Variants in NAV3 observed in about 807,000 individuals in gnomAD.
The protein encoded by NAV3 is pore membrane and/or filament interacting like protein 1.
NAV3 carries 87 observed loss-of-function variants against 244.7 expected under a neutral mutation model. The ratio of observed to expected loss-of-function variants is 0.36; its 90% confidence interval spans 0.30 to 0.42. NAV3 has a LOEUF of 0.42. Ranked by LOEUF, NAV3 falls within the 20% of genes least tolerant of loss-of-function variation. The pLI, the probability that NAV3 is intolerant of heterozygous loss-of-function variation, is 1.00. For synonymous variants in NAV3, 1,126 were observed against 1,042.2 expected, an observed-to-expected ratio of 1.08 and a Z score of -1.55; for missense variants, 2,663 against 2,893.3, an observed-to-expected ratio of 0.92 and a Z score of 1.83.
intron 1 of NAV3, among the ~76,000 whole-genome samples, chr12:77,936,328 A>C (rs954014134): frequency 3.9e-5 from 6 of 152,180 alleles, no homozygotes; most frequent in African/African-American, 1.4e-4. Flanking sequence ...AATCTCAGTA[A>C]TTCTTCTGAA....
intron 5 of NAV3, among the ~76,000 whole-genome samples, chr12:77,989,219 GAC>G (rs1286778597): frequency 2.0e-5 from 3 of 152,022 alleles, no homozygotes; most frequent in African/African-American, 4.8e-5. Flanking sequence ...CAGGTGAAAA[GAC>G]AAAAACAAGG....
chr12:77,601,777 A>T (rs1870444050), intron 2 of NAV3, among the ~76,000 whole-genome samples: 1 of 151,950 alleles, frequency 6.6e-6, no homozygotes, highest in Non-Finnish European at 1.5e-5. Context: ...TGCTTATGAG[A>T]CATAGAAAAT....
intron 5 of NAV3, among the ~76,000 whole-genome samples, chr12:77,983,261 G>A (rs915570828): frequency 1.3e-5 from 2 of 152,140 alleles, no homozygotes; most frequent in Admixed American, 1.3e-4. Context: ...AGGGGAATAG[G>A]GATGGACCCT....
chr12:77,956,187 G>T (rs1477550593), intron 3 of NAV3, among the ~76,000 whole-genome samples: 2 of 152,096 alleles, frequency 1.3e-5, no homozygotes, highest in African/African-American at 2.4e-5. Flanking sequence ...TCAGTGTTAG[G>T]ATTGGCATTT....
chr12:77,872,699 T>C (rs965296012), intron 1 of NAV3, among the ~76,000 whole-genome samples: 8 of 152,236 alleles, frequency 5.3e-5, no homozygotes, highest in African/African-American at 1.9e-4. Context: ...AAATCATGTT[T>C]ACCAAGATTT....
intron 12 of NAV3, among the ~76,000 whole-genome samples, chr12:78,114,654 G>A (rs187580909): frequency 3.9e-5 from 6 of 152,274 alleles, no homozygotes; most frequent in South Asian, 2.1e-4. Flanking sequence ...CCCATGACAC[G>A]TGAAGATTAT....
chr12:78,023,815 C>G (rs1375622280), intron 9 of NAV3, among the ~76,000 whole-genome samples: 1 of 152,084 alleles, frequency 6.6e-6, no homozygotes, highest in East Asian at 1.9e-4. Context: ...TTATGGGTCA[C>G]TATTACTCTC....
At chr12:77,748,281 A>G (rs1868661217) in intron 2 of NAV3, among the ~76,000 whole-genome samples, 3 of 152,192 alleles carry the variant, frequency 2.0e-5, no homozygotes, top group Non-Finnish European at 2.9e-5. Context: ...TAAAGCTGCT[A>G]GAGCAATTTG....
chr12:77,923,934 G>C (rs535179034), intron 1 of NAV3, among the ~76,000 whole-genome samples: 1 of 152,266 alleles, frequency 6.6e-6, no homozygotes, highest in South Asian at 2.1e-4. Context: ...ATAGGGATTT[G>C]GGGAATGGAT....
intron 7 of NAV3, among the ~76,000 whole-genome samples, chr12:78,005,150 A>T (rs929975711): frequency 3.3e-5 from 5 of 152,106 alleles, no homozygotes; most frequent in Non-Finnish European, 1.5e-5. Flanking sequence ...TTCTTAACCT[A>T]GTTGTAGATG....
intron 9 of NAV3, among the ~76,000 whole-genome samples, chr12:78,041,008 G>T (rs1314313125): frequency 6.6e-6 from 1 of 152,128 alleles, no homozygotes; most frequent in Non-Finnish European, 1.5e-5. Flanking sequence ...GTGAAAGATA[G>T]AATTCTTTAT....
chr12:77,640,146 A>G (rs1176645665), intron 2 of NAV3, among the ~76,000 whole-genome samples: 1 of 152,152 alleles, frequency 6.6e-6, no homozygotes, highest in Non-Finnish European at 1.5e-5. Flanking sequence ...AAATTATGGT[A>G]TTAAACTTCT....
At chr12:77,597,391 A>C (rs1004746435) in intron 2 of NAV3, among the ~76,000 whole-genome samples, 9 of 152,060 alleles carry the variant, frequency 5.9e-5, no homozygotes, top group Non-Finnish European at 8.8e-5. Flanking sequence ...CTCAGTGCAG[A>C]TGGCAGGTAC....
At chr12:77,733,082 C>A (rs1203106873) in intron 2 of NAV3, among the ~76,000 whole-genome samples, 1 of 151,780 alleles carries the variant, frequency 6.6e-6, no homozygotes, top group African/African-American at 2.4e-5. Flanking sequence ...CCAGAAAGCA[C>A]CTTCTTGCAA....
intron 2 of NAV3, among the ~76,000 whole-genome samples, chr12:77,573,738 G>C (rs1868943713): frequency 6.6e-6 from 1 of 152,164 alleles, no homozygotes; most frequent in African/African-American, 2.4e-5. Context: ...GGTGGGTAAA[G>C]AGGGAGGGAG....
intron 39 of NAV3, among the ~76,000 whole-genome samples, chr12:78,209,452 T>C (rs1384975477): frequency 6.6e-6 from 1 of 152,006 alleles, no homozygotes; most frequent in East Asian, 1.9e-4. Context: ...TGAAAACAAG[T>C]CCACTACCCT....
At chr12:77,728,692 A>G (rs1039807486) in intron 2 of NAV3, among the ~76,000 whole-genome samples, 2 of 151,930 alleles carry the variant, frequency 1.3e-5, no homozygotes, top group Non-Finnish European at 2.9e-5. Flanking sequence ...GTGGTAGAGG[A>G]AATGATGAAT....
At chr12:78,020,725 T>A (rs1468436616) in intron 8 of NAV3, among the ~76,000 whole-genome samples, 2 of 152,170 alleles carry the variant, frequency 1.3e-5, no homozygotes, top group Non-Finnish European at 2.9e-5. Flanking sequence ...AGCAAAATGT[T>A]AATTAAGCAT....
chr12:77,967,190 C>G (rs964571065), intron 4 of NAV3, among the ~76,000 whole-genome samples: 8 of 152,092 alleles, frequency 5.3e-5, no homozygotes, highest in African/African-American at 1.7e-4. Flanking sequence ...ATGTCTCTTC[C>G]TTATGAAAAC....
Sources: gnomAD v4.1 joint callset for allele counts (sites outside exome capture counted in the v4.1 genomes callset) on GRCh38, gnomAD v4.1.1 for gene constraint, MANE v1.5 for transcripts, NCBI Gene and HGNC (gene_info 2026-07-23, HGNC 2026-07-21) for gene names.